Variants in TRIM71 observed in about 807,000 individuals in gnomAD.
TRIM71 encodes the protein tripartite motif containing 71, also known as E3 ubiquitin-protein ligase TRIM71.
TRIM71 carries 9 observed loss-of-function variants against 61.2 expected under a neutral mutation model. The observed-to-expected ratio is 0.15, with a 90% CI of 0.09 to 0.26. The LOEUF (loss-of-function observed/expected upper bound fraction) is 0.26, where lower values mean the gene tolerates loss of function less well. TRIM71 is among the 10% of genes least tolerant of loss of function. TRIM71 has a pLI of 1.00. For synonymous variants in TRIM71, 645 were observed against 553.2 expected (o/e 1.17, Z -2.33); for missense variants, 998 against 1,238.7 (o/e 0.81, Z 2.92).
intron 1 of TRIM71, among the ~76,000 whole-genome samples, chr3:32,872,608 C>A (rs775038847): frequency 2.0e-5 from 3 of 152,204 alleles, no homozygotes; most frequent in African/African-American, 7.2e-5. Context: ...TCAGTCTGCG[C>A]AGAATCGCCT....
In TRIM71 at chr3:32,896,637, T is replaced by C. The variant is rs765755203; in HGVS notation, c.*4826T>C. On this transcript the variant is annotated 3_prime_UTR_variant, in exon 4 of 4. Coordinates refer to ENST00000383763, the MANE Select transcript of TRIM71 (RefSeq NM_001039111.3). The stretch of plus-strand genomic sequence containing the variant: ...GAAGAAATACCTCAATGATGTCTAT[T>C]TTTAAAACTGATCTTACGGGTTAAC... The C allele has an allele frequency of 6.6e-6, 1 of 152,196 alleles. No individual in the cohort carries two copies. Among genetic ancestry groups the C allele is most frequent in the Non-Finnish European group, 1.5e-5 (1 of 68,034 alleles). The allele number at this position is 152,196 out of a possible 1,614,324, so 9.4% of individuals were successfully genotyped here. A position where few individuals can be genotyped will look rare whatever the true frequency, so the allele number is the denominator to read the frequency against.
chr3:32,871,688 G>A (rs907346137), intron 1 of TRIM71, among the ~76,000 whole-genome samples: 2 of 152,178 alleles, frequency 1.3e-5, no homozygotes, highest in Non-Finnish European at 2.9e-5. Flanking sequence ...AAGATTATTA[G>A]GATTAGATAA....
chr3:32,849,548 G>A (rs532026956), intron 1 of TRIM71, among the ~76,000 whole-genome samples: 130 of 151,982 alleles, frequency 8.6e-4, no homozygotes, highest in Non-Finnish European at 1.4e-3. Flanking sequence ...TAGTAGAGAT[G>A]GGGTTTTGTC....
chr3:32,861,858 C>T (rs772794252), intron 1 of TRIM71, among the ~76,000 whole-genome samples: 33 of 152,118 alleles, frequency 2.2e-4, no homozygotes, highest in Non-Finnish European at 2.1e-4. Flanking sequence ...TGCCCCAGCA[C>T]CCACTCTTCC....
intron 1 of TRIM71, among the ~76,000 whole-genome samples, chr3:32,834,100 A>G (rs1189740187): frequency 1.3e-5 from 2 of 152,190 alleles, no homozygotes; most frequent in African/African-American, 4.8e-5. Flanking sequence ...TCAGCTGTGG[A>G]CTGACCCAAA....
At position 32,832,973 on chromosome 3, in the gene TRIM71, G is replaced by C. The variant is rs925126989; in HGVS notation, c.852+14041G>C. On this transcript the variant is annotated intron_variant, in intron 1 of 3. Coordinates refer to ENST00000383763, the MANE Select transcript of TRIM71 (RefSeq NM_001039111.3). ...GGATCATCTGAGGTCAGGAGTTCTA[G>C]ACCAGCCTGGCCAACACATGGTGAA... Among the ~76,000 whole-genome samples the C allele has an allele frequency of 2.0e-5, 3 of 151,988 alleles. No homozygotes were observed. In the East Asian group the frequency reaches 5.8e-4, roughly 30 times the overall value.
rs765598910 is a variant in TRIM71 at position 32,896,440 on chromosome 3, G to A, written c.*4629G>A. ...TTTCTACCAAAGGTAACATGTTGACGGGTTTTTTTTTTCCTTGTTTATTAA... is the reference window on the plus strand; with the variant it reads ...TTTCTACCAAAGGTAACATGTTGACAGGTTTTTTTTTTCCTTGTTTATTAA... On this transcript the variant is annotated 3_prime_UTR_variant, in exon 4 of 4. Transcript: ENST00000383763. 3.3e-5 allele frequency: 5 copies of A among 151,862 alleles called. No individual in the cohort carries two copies. The highest frequency in any genetic ancestry group is 2.1e-4 in the South Asian group (1 of 4,804). 9.4% of individuals were successfully genotyped at this position (151,862 alleles called of 1,614,324 possible).
rs1409024326 is a variant in TRIM71, at chr3:32,893,282, C to T, written c.*1471C>T. 1.3e-5 allele frequency: 2 copies of T among 151,478 alleles called. No individual in the cohort carries two copies. The highest frequency in any genetic ancestry group is 4.9e-5 in the African/African-American group (2 of 41,154). 9.4% of individuals were successfully genotyped at this position (151,478 alleles called of 1,614,324 possible). A position where few individuals can be genotyped will look rare whatever the true frequency, so the allele number is the denominator to read the frequency against. ...TAGGATGTAATGTCTTTTCTTAAAC[C>T]TGTAACTCGGTACCAAAGAATGAAA... On this transcript the variant is annotated 3_prime_UTR_variant, in exon 4 of 4. Coordinates refer to ENST00000383763, the MANE Select transcript of TRIM71 (RefSeq NM_001039111.3).
At chr3:32,889,740 T>C (rs985202350) in intron 3 of TRIM71, among the ~76,000 whole-genome samples, 1 of 152,052 alleles carries the variant, frequency 6.6e-6, no homozygotes, top group Non-Finnish European at 1.5e-5. Context: ...CAGGCACCTG[T>C]TACCACACTT....
At chr3:32,833,303 A>G (rs1263480046) in intron 1 of TRIM71, among the ~76,000 whole-genome samples, 1 of 150,924 alleles carries the variant, frequency 6.6e-6, no homozygotes, top group African/African-American at 2.4e-5. Context: ...CGTAATTTCT[A>G]TGAAAACTGA....
chr3:32,822,076 C>T lies in TRIM71; in HGVS notation c.852+3144C>T, dbSNP rs890532362. Among the ~76,000 whole-genome samples, 4 of 152,090 alleles carry T rather than the reference C, an allele frequency of 2.6e-5. No individual in the cohort carries two copies. The South Asian group carries it at 8.3e-4, about 32-fold the overall frequency. On this transcript the variant is annotated intron_variant, in intron 1 of 3. Coordinates refer to ENST00000383763, the MANE Select transcript of TRIM71 (RefSeq NM_001039111.3). ...CGTGAGCCCTTTGCAGCCTTGGAGG[C>T]GACACCGGCAGCAGAAATGCTGGGT...
At chr3:32,829,652 T>G (rs73044141) in intron 1 of TRIM71, among the ~76,000 whole-genome samples, 13 of 81,864 alleles carry the variant, frequency 1.6e-4, no homozygotes, top group East Asian at 1.3e-3. Flanking sequence ...GTGTGTGTGT[T>G]TGTGTGTGCG....
rs1395217661 is a variant in TRIM71, at chr3:32,893,893, C to G, written c.*2082C>G. 6.6e-6 allele frequency: 1 copy of G among 152,006 alleles called. No homozygotes were observed. The highest frequency in any genetic ancestry group is 2.1e-4 in the South Asian group (1 of 4,818). The allele number at this position is 152,006 out of a possible 1,614,324, so 9.4% of individuals were successfully genotyped here. On this transcript the variant is annotated 3_prime_UTR_variant, in exon 4 of 4. Transcript: ENST00000383763. The stretch of plus-strand genomic sequence containing the variant: ...AACCTCATCTCACAGAGGAGAACTG[C>G]ATGCAATAAAAGATTCAAAAGTTGG...
chr3:32,818,266 G>A lies in TRIM71; in HGVS notation c.186G>A (p.Leu62=). 7.0e-7 allele frequency: 1 copy of A among 1,436,320 alleles called. No homozygotes were observed. Among genetic ancestry groups the A allele is most frequent in the African/African-American group, 1.5e-5 (1 of 66,824 alleles). The allele number at this position is 1,436,320 out of a possible 1,614,324, so 89.0% of individuals were successfully genotyped here. ...AARRLHVLPC[L]HAFCRPCLEA... ...GCCGCCTACACGTCCTGCCCTGCCT[G>A]CACGCCTTCTGCCGCCCCTGCCTCG... Residue 62 remains leucine, a synonymous_variant, in exon 1 of 4, where the codon CTG becomes CTA. Coordinates refer to ENST00000383763, the MANE Select transcript of TRIM71 (RefSeq NM_001039111.3).
At chr3:32,861,675 A>G (rs1193336851) in intron 1 of TRIM71, among the ~76,000 whole-genome samples, 1 of 152,196 alleles carries the variant, frequency 6.6e-6, no homozygotes, top group Non-Finnish European at 1.5e-5. Flanking sequence ...TTACAGAGAA[A>G]GATGTCAAGA....
intron 1 of TRIM71, among the ~76,000 whole-genome samples, chr3:32,859,360 A>G (rs759855513): frequency 6.6e-6 from 1 of 152,036 alleles, no homozygotes; most frequent in Non-Finnish European, 1.5e-5. Context: ...CCTGGGTTCA[A>G]ACGATTCTCC....
chr3:32,818,986 A>C, intron 1 of TRIM71, 54 bp downstream of exon 1: 2 of 1,581,618 alleles, frequency 1.3e-6, no homozygotes, highest in Non-Finnish European at 1.7e-6. Context: ...GTGTGTGCTC[A>C]ACAGCGTTTC....
chr3:32,835,984 G>T (rs1252333586), intron 1 of TRIM71, among the ~76,000 whole-genome samples: 2 of 152,100 alleles, frequency 1.3e-5, no homozygotes, highest in African/African-American at 4.8e-5. Context: ...TCTAAACTTG[G>T]CCTTTATGGT....
At chr3:32,824,821 G>T (rs1332026990) in intron 1 of TRIM71, among the ~76,000 whole-genome samples, 1 of 151,772 alleles carries the variant, frequency 6.6e-6, no homozygotes, top group Admixed American at 6.6e-5. Context: ...TTGAGATGGA[G>T]TCTCGCTGTG....
Sources: gnomAD v4.1 joint callset for allele counts (sites outside exome capture counted in the v4.1 genomes callset) on GRCh38, gnomAD v4.1.1 for gene constraint, MANE v1.5 for transcripts, NCBI Gene and HGNC (gene_info 2026-07-23, HGNC 2026-07-21) for gene names.